Variants in TASP1 observed in about 807,000 individuals in gnomAD.
The protein encoded by TASP1 is taspase 1.
In TASP1, 16 loss-of-function variants were observed where a neutral mutation model predicts 56.6. The ratio of observed to expected loss-of-function variants is 0.28; its 90% CI spans 0.19 to 0.43. TASP1 has a LOEUF of 0.43. Ranked by LOEUF, TASP1 falls within the 20% of genes least tolerant of loss-of-function variation. The pLI is 1.00. For missense variants in TASP1, 393 were observed against 511.6 expected (o/e 0.77, Z 2.24); for synonymous variants, 179 against 184.2 (o/e 0.97, Z 0.23).
the TASP1 span, among the ~76,000 whole-genome samples, chr20:13,210,947 T>C: frequency 1.3e-5 from 2 of 152,154 alleles, no homozygotes; most frequent in African/African-American, 4.8e-5. Flanking sequence ...ATTGGTATAG[T>C]TAGGCCAAGC....
At chr20:13,579,307 A>G (rs1432751920) in intron 6 of TASP1, among the ~76,000 whole-genome samples, 1 of 152,232 alleles carries the variant, frequency 6.6e-6, no homozygotes, top group Non-Finnish European at 1.5e-5. Flanking sequence ...TGGATTGGTA[A>G]TCTCATACCA....
chr20:13,630,044 C>A lies in TASP1; in HGVS notation c.35G>T (p.Gly12Val). The A allele has an allele frequency of 6.2e-7, 1 of 1,613,932 alleles. No homozygotes were observed. Among genetic ancestry groups the A allele is most frequent in the Non-Finnish European group, 8.5e-7 (1 of 1,179,970 alleles). Residue 12 changes from glycine (G) to valine (V), a missense_variant, in exon 2 of 14, where the codon GGG becomes GTG. This residue lies in a region of TASP1 where 52 missense variants were observed against 51.1 expected (regional missense o/e 1.02). Coordinates refer to ENST00000337743, the MANE Select transcript of TASP1 (RefSeq NM_017714.3). Reference protein sequence around the residue: ...TMEKGMSSGEGLPSRSSQVSA... With the variant: ...TMEKGMSSGEVLPSRSSQVSA... ...AACCTGAGATGATCTGGAAGGCAGC[C>A]CTTCTCCAGAACTCATCCCCTTCTC...
At chr20:13,433,820 G>A (rs1358781299) in intron 12 of TASP1, among the ~76,000 whole-genome samples, 2 of 144,990 alleles carry the variant, frequency 1.4e-5, no homozygotes, top group South Asian at 2.2e-4. Flanking sequence ...AACCCCCGTG[G>A]ATGACCTATA....
intron 4 of TASP1, among the ~76,000 whole-genome samples, chr20:13,617,841 C>T (rs763906829): frequency 2.4e-4 from 37 of 152,220 alleles, no homozygotes; most frequent in Non-Finnish European, 4.4e-4. Context: ...ATCGGCCCTT[C>T]CCAATGTCCC....
the TASP1 span, among the ~76,000 whole-genome samples, chr20:13,119,892 T>G: frequency 6.6e-6 from 1 of 152,230 alleles, no homozygotes; most frequent in Non-Finnish European, 1.5e-5. Context: ...CACACCTGTG[T>G]GGAATGATTT....
At chr20:13,391,885 A>G (rs1600656600) in intron 13 of TASP1, among the ~76,000 whole-genome samples, 1 of 150,986 alleles carries the variant, frequency 6.6e-6, no homozygotes, top group Non-Finnish European at 1.5e-5. Context: ...GGAGAATGGC[A>G]TGAACCTGGG....
At chr20:13,615,371 A>ATATT (rs1421407846) in intron 4 of TASP1, among the ~76,000 whole-genome samples, 2 of 152,190 alleles carry the variant, frequency 1.3e-5, no homozygotes, top group African/African-American at 4.8e-5. Flanking sequence ...CTTCTGTCAA[A>ATATT]TGTCTAAGAT....
At chr20:13,292,170 G>A in the TASP1 span, among the ~76,000 whole-genome samples, 7 of 152,148 alleles carry the variant, frequency 4.6e-5, no homozygotes, top group East Asian at 1.9e-4. Context: ...CTGATTTCAC[G>A]TTGCCAATGT....
chr20:13,199,045 A>G, the TASP1 span, among the ~76,000 whole-genome samples: 1 of 149,662 alleles, frequency 6.7e-6, no homozygotes, highest in South Asian at 2.1e-4. Context: ...AGCTAGGACC[A>G]CAGGCATGTG....
intron 11 of TASP1, among the ~76,000 whole-genome samples, chr20:13,461,484 A>C (rs1318651451): frequency 6.6e-6 from 1 of 152,118 alleles, no homozygotes; most frequent in African/African-American, 2.4e-5. Context: ...TATGTTTTGG[A>C]GCCACCCCGA....
At position 13,580,988 on chromosome 20, in the gene TASP1, A is replaced by AAT; in HGVS notation, c.404-8_404-7insAT. The AAT allele has an allele frequency of 6.4e-7, 1 of 1,570,274 alleles. No individual in the cohort carries two copies. On this transcript the variant is annotated splice_region_variant and splice_polypyrimidine_tract_variant and intron_variant, in intron 5 of 13. Coordinates refer to ENST00000337743, the MANE Select transcript of TASP1 (RefSeq NM_017714.3). ...GAGACTGGGTTCTTGATTCCTATAA[A>AAT]AAAAAAAAAAAAATTGGCAAAAAAG...
the TASP1 span, among the ~76,000 whole-genome samples, chr20:13,312,076 T>C: frequency 6.6e-6 from 1 of 152,190 alleles, no homozygotes; most frequent in Non-Finnish European, 1.5e-5. Context: ...AATTAACTTT[T>C]TTAAAAGAAC....
chr20:13,521,559 A>T (rs1018454622), intron 10 of TASP1, among the ~76,000 whole-genome samples: 13 of 149,480 alleles, frequency 8.7e-5, no homozygotes, highest in African/African-American at 2.7e-4. Flanking sequence ...GCATGTTCTC[A>T]CTCATAGGTG....
intron 8 of TASP1, among the ~76,000 whole-genome samples, chr20:13,550,220 A>C (rs888252809): frequency 6.6e-6 from 1 of 151,668 alleles, no homozygotes; most frequent in Non-Finnish European, 1.5e-5. Context: ...TCAAAGGTCG[A>C]AAGTTTTAGA....
the TASP1 span, among the ~76,000 whole-genome samples, chr20:13,358,074 G>C: frequency 3.3e-5 from 5 of 152,116 alleles, no homozygotes; most frequent in Non-Finnish European, 7.3e-5. Flanking sequence ...CCTTGTGAAA[G>C]TCCTTTGCCT....
the TASP1 span, among the ~76,000 whole-genome samples, chr20:13,382,430 T>G: frequency 2.0e-5 from 3 of 152,132 alleles, no homozygotes; most frequent in Non-Finnish European, 4.4e-5. Context: ...GAGGATTGCT[T>G]AAGCCTAGGA....
At chr20:13,442,591 G>A (rs1234831059) in intron 11 of TASP1, among the ~76,000 whole-genome samples, 1 of 151,664 alleles carries the variant, frequency 6.6e-6, no homozygotes, top group Non-Finnish European at 1.5e-5. Context: ...GCAGTGAGCC[G>A]ATATCGTGCC....
intron 4 of TASP1, among the ~76,000 whole-genome samples, chr20:13,589,465 G>A (rs1297612734): frequency 2.0e-5 from 3 of 152,154 alleles, no homozygotes; most frequent in Non-Finnish European, 4.4e-5. Context: ...TTAACTCAAA[G>A]TGGACCAAAG....
chr20:13,257,661 A>G, the TASP1 span, among the ~76,000 whole-genome samples: 1,530 of 152,142 alleles, frequency 0.01, 27 homozygotes, highest in African/African-American at 0.035. Flanking sequence ...ATTACACTGC[A>G]CAAGTAAAGC....
Sources: allele counts gnomAD v4.1 joint callset (sites outside exome capture counted in the v4.1 genomes callset), GRCh38; gene constraint gnomAD v4.1.1; regional missense constraint gnomAD v4.1.1; transcripts MANE v1.5; gene names NCBI Gene and HGNC (gene_info 2026-07-23, HGNC 2026-07-21).